Variants in STAB1 observed in about 807,000 individuals in gnomAD.
STAB1 encodes the protein stabilin-1.
A neutral mutation model predicts 332.4 loss-of-function variants in STAB1; 250 were observed. The observed-to-expected ratio is 0.75, with a 90% CI of 0.68 to 0.84. STAB1 has a LOEUF of 0.84. STAB1 is among the 40% of genes least tolerant of loss of function. STAB1 has a pLI of 0.00. For missense variants in STAB1, 3,249 were observed against 3,489.7 expected, an observed-to-expected ratio of 0.93 and a Z score of 1.74; for synonymous variants, 1,475 against 1,390.4, an observed-to-expected ratio of 1.06 and a Z score of -1.35.
In STAB1 at chr3:52,518,335, C is replaced by T. The variant is rs372109305; in HGVS notation, c.4785C>T (p.Ala1595=). 1.9e-6 allele frequency: 3 copies of T among 1,612,742 alleles called. No individual in the cohort carries two copies. The highest frequency in any genetic ancestry group is 2.7e-5 in the African/African-American group (2 of 74,940). The change falls in exon 46 of 69, where the codon GCC becomes GCT. Residue 1595 remains alanine, a synonymous_variant. Transcript: ENST00000321725. ...VGLELLRDKH[A]SFFSLRLLEY... ...AGGAGCTCCTGAGGGATAAGCATGC[C>T]TCATTCTTCAGCCTCCGCCTCCTGG...
Position 52,503,383 on chromosome 3 carries a change from C to A in STAB1, c.734C>A (p.Ala245Asp). Residue 245 changes from alanine (A) to aspartate (D), a missense_variant, in exon 8 of 69, where the codon GCC becomes GAC. Transcript: ENST00000321725. ...PCWPSPCSLL[A>D]QCSVSPKGQA... ...TGGCCATCACCCTGCTCACTGCTGGCCCAGTGCTCGGTGAGCCCCAAGGGG... is the reference window on the plus strand; with the variant it reads ...TGGCCATCACCCTGCTCACTGCTGGACCAGTGCTCGGTGAGCCCCAAGGGG... The A allele has an allele frequency of 1.9e-6, 3 of 1,613,456 alleles. No homozygotes were observed. Among genetic ancestry groups the A allele is most frequent in the Non-Finnish European group, 1.7e-6 (2 of 1,179,986 alleles).
chr3:52,517,786 C>T, intron 44 of STAB1, 95 bp from the exon 45 acceptor site: 4 of 1,591,050 alleles, frequency 2.5e-6, no homozygotes, highest in Non-Finnish European at 3.4e-6. Context: ...ATCTGGGGGG[C>T]TGAGCAGGGG....
chr3:52,522,849 GGACT>G lies in STAB1; in HGVS notation c.6821_6824del (p.Asp2274ValfsTer8). 6.2e-7 allele frequency: 1 copy of G among 1,613,312 alleles called. No individual in the cohort carries two copies. Among genetic ancestry groups the G allele is most frequent in the Non-Finnish European group, 8.5e-7 (1 of 1,180,014 alleles). ...CCCACCCTGTGGTTTTCCCTGTGGC[GGACT>G]GTGGCAATGGTCGGGTGGGCATAGT... On this transcript the variant is annotated frameshift_variant, in exon 62 of 69. Transcript: ENST00000321725. LOFTEE classifies it high-confidence loss of function.
chr3:52,512,861 GTCACAGCCCTGGTGCCC>G lies in STAB1; in HGVS notation c.3064_3080del (p.Thr1022ArgfsTer62). 1 of 1,611,092 alleles carries G rather than the reference GTCACAGCCCTGGTGCCC, an allele frequency of 6.2e-7. No individual in the cohort carries two copies. The highest frequency in any genetic ancestry group is 8.5e-7 in the Non-Finnish European group (1 of 1,179,912). ...CATCACGCTTCCTGCCGACCGCCGA[GTCACAGCCCTGGTGCCC>G]TCCGAGGCTGCAGTCCGTCAGCTGA... On this transcript the variant is annotated frameshift_variant, in exon 29 of 69. Coordinates refer to ENST00000321725, the MANE Select transcript of STAB1 (RefSeq NM_015136.3). LOFTEE classifies it high-confidence loss of function.
Position 52,520,925 on chromosome 3 carries a change from G to T in STAB1, c.5828G>T (p.Gly1943Val). ...PSLWGRPQGLGRGCHRNCVTT... is the reference protein window; with the variant it reads ...PSLWGRPQGLVRGCHRNCVTT... ...CTTTGGGGTAGGCCCCAAGGCCTGG[G>T]CAGGGGCTGCCACCGCAATTGTGTC... Residue 1943 changes from glycine (G) to valine (V), a missense_variant, in exon 55 of 69, where the codon GGC becomes GTC. Physicochemically the swap from Gly to Val is moderately radical, Grantham distance 109 (BLOSUM62 -3). Coordinates refer to ENST00000321725, the MANE Select transcript of STAB1 (RefSeq NM_015136.3). 6.3e-7 allele frequency: 1 copy of T among 1,597,060 alleles called. No homozygotes were observed. The highest frequency in any genetic ancestry group is 8.5e-7 in the Non-Finnish European group (1 of 1,171,708).
chr3:52,514,709 G>A lies in STAB1; in HGVS notation c.3687G>A (p.Val1229=). The part of the protein sequence containing the change: ...VFYNHSGQPE[V]NHVPLEGPML... ...TCCATCCCTCTCCCCAGCCTGAGGT[G>A]AACCATGTGCCACTGGAAGGCCCCA... The change falls in exon 35 of 69, where the codon GTG becomes GTA. Residue 1229 remains valine, a synonymous_variant. Coordinates refer to ENST00000321725, the MANE Select transcript of STAB1 (RefSeq NM_015136.3). 1.2e-6 allele frequency: 2 copies of A among 1,613,110 alleles called. No homozygotes were observed. The highest frequency in any genetic ancestry group is 2.2e-5 in the East Asian group (1 of 44,882).
intron 37 of STAB1, 45 bp downstream of exon 37, chr3:52,515,551 G>C (rs745613595): frequency 1.3e-6 from 2 of 1,597,226 alleles, no homozygotes; most frequent in East Asian, 2.2e-5. Context: ...GAGAGAAGGA[G>C]GTGGGAGTGG....
In STAB1 at chr3:52,507,650, C is replaced by T. The variant is rs750217760; in HGVS notation, c.2027C>T (p.Thr676Met). 8 of 1,613,534 alleles carry T rather than the reference C, an allele frequency of 5.0e-6. No individual in the cohort carries two copies. The highest frequency in any genetic ancestry group is 4.4e-5 in the South Asian group (4 of 91,090). The change falls in exon 19 of 69, where the codon ACG (threonine) becomes ATG (methionine). Residue 676 changes from threonine to methionine, a missense_variant. Physicochemically the swap from Thr to Met is moderately conservative, Grantham distance 81. Transcript: ENST00000321725. ...GACTGCCAAGCCCTGAACACCAGCA[C>T]GTGTCCCCCCAACAGTGTGAAGCTG... ...CVDCQALNTS[T>M]CPPNSVKLDI...
chr3:52,509,530 A>G, intron 22 of STAB1: 1 of 591,950 alleles, frequency 1.7e-6, no homozygotes, highest in Non-Finnish European at 3.0e-6. Flanking sequence ...AGGGGAGTGG[A>G]GGAAGATTTG....
At chr3:52,511,770 C>A in intron 26 of STAB1, 25 bp downstream of exon 26, 1 of 1,537,368 alleles carries the variant, frequency 6.5e-7, no homozygotes, top group Non-Finnish European at 8.8e-7. Flanking sequence ...GGCTCAGAGC[C>A]CTGGGGAAGC....
intron 9 of STAB1, 61 bp from the exon 10 acceptor site, chr3:52,503,967 T>TG: frequency 2.5e-6 from 4 of 1,585,894 alleles, no homozygotes; most frequent in Non-Finnish European, 2.6e-6. Flanking sequence ...CGGGAAGGCG[T>TG]GGGGGGTGCG....
rs758607680 is a variant in STAB1, at chr3:52,522,686, C to T, written c.6742C>T (p.Gln2248Ter). 3 of 1,612,828 alleles carry T rather than the reference C, an allele frequency of 1.9e-6. No homozygotes were observed. Residue 2248 changes from glutamine to a stop codon, truncating the protein, a stop_gained and splice_region_variant, in exon 61 of 69, where the codon CAG (glutamine) becomes TAG (stop). Transcript: ENST00000321725. LOFTEE classifies it high-confidence loss of function. ...ASFPQLSAAQ[Q>*]LGFHLCLMGW... is the part of the protein sequence containing the mutation. ...ATTCCCTCAGCTCTCTGCTGCCCAGCAGGTGTGTGGGGCCCAGAAGTTGGG... is the reference window on the plus strand; with the variant it reads ...ATTCCCTCAGCTCTCTGCTGCCCAGTAGGTGTGTGGGGCCCAGAAGTTGGG...
Position 52,523,815 on chromosome 3 carries a change from G to A in STAB1, c.7396-56G>A, listed in dbSNP as rs568356852. ...TGGCACCCCCACAACCTGTGAGCCCGGGGAAGGTGGTGGGACAGCTCCCGC... is the reference window on the plus strand; with the variant it reads ...TGGCACCCCCACAACCTGTGAGCCCAGGGAAGGTGGTGGGACAGCTCCCGC... On this transcript the variant is annotated intron_variant, in intron 66 of 68. Transcript: ENST00000321725. 85 of 1,583,250 alleles carry A rather than the reference G, an allele frequency of 5.4e-5. No individual in the cohort carries two copies. The East Asian group carries it at 9.5e-4, about 18-fold the overall frequency.
intron 25 of STAB1, among the ~76,000 whole-genome samples, chr3:52,511,099 C>T (rs1709269423): frequency 6.6e-6 from 1 of 152,210 alleles, no homozygotes; most frequent in Non-Finnish European, 1.5e-5. Context: ...AGCTGGAGCT[C>T]CAAACCCCAT....
Position 52,518,758 on chromosome 3 carries a change from G to C in STAB1, c.4923G>C (p.Leu1641=). The part of the protein sequence containing the change: ...ELARIRAHRQ[L]VFRYHVVGCR... Reference sequence around the variant, plus strand: ...CCCGGATTCGTGCGCATCGCCAGCTGGTGTTTCGCTACCACGTGGTTGGCT... The same window carrying C: ...CCCGGATTCGTGCGCATCGCCAGCTCGTGTTTCGCTACCACGTGGTTGGCT... The change falls in exon 48 of 69, where the codon CTG becomes CTC. Residue 1641 remains leucine, a synonymous_variant. Coordinates refer to ENST00000321725, the MANE Select transcript of STAB1 (RefSeq NM_015136.3). 1 of 1,612,572 alleles carries C rather than the reference G, an allele frequency of 6.2e-7. No individual in the cohort carries two copies. Among genetic ancestry groups the C allele is most frequent in the Non-Finnish European group, 8.5e-7 (1 of 1,179,830 alleles).
At position 52,522,348 on chromosome 3, in the gene STAB1, T is replaced by G; in HGVS notation, c.6484T>G (p.Cys2162Gly). 3.1e-6 allele frequency: 5 copies of G among 1,612,948 alleles called. No individual in the cohort carries two copies. The highest frequency in any genetic ancestry group is 2.5e-6 in the Non-Finnish European group (3 of 1,180,014). ...STGLNTRRCE[C>G]HAGYVGDGLQ... ...ACCCCAGAACACACGGCGCTGTGAG[T>G]GCCACGCAGGCTACGTAGGCGATGG... The change falls in exon 60 of 69, where the codon TGC becomes GGC. Residue 2162 changes from cysteine (C) to glycine (G), a missense_variant. Coordinates refer to ENST00000321725, the MANE Select transcript of STAB1 (RefSeq NM_015136.3).
chr3:52,517,237 G>T, intron 42 of STAB1, 83 bp from the exon 43 acceptor site: 1 of 1,500,648 alleles, frequency 6.7e-7, no homozygotes, highest in African/African-American at 1.4e-5. Flanking sequence ...AGAGAGGAGG[G>T]GGTGGGACAG....
chr3:52,499,549 C>T (rs1248574682), intron 1 of STAB1, among the ~76,000 whole-genome samples: 1 of 152,246 alleles, frequency 6.6e-6, no homozygotes, highest in Non-Finnish European at 1.5e-5. Flanking sequence ...GCCTCTTTCC[C>T]ACCACACCTG....
chr3:52,513,663 C>A, intron 30 of STAB1, 54 bp from the exon 31 acceptor site: 1 of 1,567,200 alleles, frequency 6.4e-7, no homozygotes, highest in Non-Finnish European at 8.7e-7. Flanking sequence ...GCTGCCCCAC[C>A]TTTAAGGGTC....
Sources: gnomAD v4.1 joint callset for allele counts (sites outside exome capture counted in the v4.1 genomes callset) on GRCh38, gnomAD v4.1.1 for gene constraint, MANE v1.5 for transcripts, NCBI Gene and HGNC (gene_info 2026-07-23, HGNC 2026-07-21) for gene names.